The following MACROD2 variants were observed in gnomAD, a reference collection of about 807,000 sequenced individuals.
The protein encoded by MACROD2 is mono-ADP ribosylhydrolase 2.
In MACROD2, 36 loss-of-function variants were observed where a neutral mutation model predicts 70.4. The ratio of observed to expected loss-of-function variants is 0.51; its 90% confidence interval spans 0.39 to 0.68. MACROD2 has a LOEUF of 0.68. Ranked by LOEUF, MACROD2 falls within the 30% of genes least tolerant of loss-of-function variation. The probability of loss-of-function intolerance (pLI) is 0.00; values close to 1 mark genes in which losing one functional copy is unlikely to be tolerated. For missense variants in MACROD2, 496 were observed against 538.4 expected (o/e 0.92, Z 0.78); for synonymous variants, 172 against 178.8 (o/e 0.96, Z 0.30).
intron 9 of MACROD2, among the ~76,000 whole-genome samples, chr20:15,863,696 C>T (rs954958073): frequency 6.6e-6 from 1 of 152,132 alleles, no homozygotes; most frequent in Non-Finnish European, 1.5e-5. Context: ...GTGACTCTGG[C>T]AGGTGGGATG....
intron 8 of MACROD2, among the ~76,000 whole-genome samples, chr20:15,705,604 G>T (rs1176908542): frequency 6.6e-6 from 1 of 152,058 alleles, no homozygotes; most frequent in East Asian, 1.9e-4. Context: ...ATTTTTAGTA[G>T]AGATGGGTTT....
rs1372604276 is a variant in MACROD2 at position 15,062,428 on chromosome 20, T to TAAATGCC, written c.419-167511_419-167510insAATGCCA. 3.9e-5 allele frequency among the ~76,000 whole-genome samples: 6 copies of TAAATGCC among 152,224 alleles called. No individual in the cohort carries two copies. The East Asian group carries it at 9.7e-4, about 25-fold the overall frequency. ...AATTCAAATTTACCTAGACATCCTGTATTTTATCTGGCAACTCTGCTTCCA... is the reference window on the plus strand; with the variant it reads ...AATTCAAATTTACCTAGACATCCTGTAAATGCCATTTTATCTGGCAACTCTGCTTCCA... On this transcript the variant is annotated intron_variant, in intron 5 of 17. Transcript: ENST00000684519.
intron 10 of MACROD2, among the ~76,000 whole-genome samples, chr20:15,926,431 C>T (rs2065490595): frequency 6.6e-6 from 1 of 152,178 alleles, no homozygotes; most frequent in African/African-American, 2.4e-5. Flanking sequence ...AGACCCTTGC[C>T]TCCGTGGAGC....
In MACROD2 at chr20:15,345,138, C is replaced by G. The variant is rs545374391; in HGVS notation, c.541-86267C>G. ...GAGAGCTCTATCCTTATGGCCTTGTCTAATCTTGATTACCGCCGAAAGGGC... is the reference window on the plus strand; with the variant it reads ...GAGAGCTCTATCCTTATGGCCTTGTGTAATCTTGATTACCGCCGAAAGGGC... On this transcript the variant is annotated intron_variant, in intron 6 of 17. Coordinates refer to ENST00000684519, the MANE Select transcript of MACROD2 (RefSeq NM_001351661.2). 1.2e-4 allele frequency among the ~76,000 whole-genome samples: 19 copies of G among 152,290 alleles called. 1 individual carries two copies. The highest frequency in any genetic ancestry group is 4.6e-4 in the African/African-American group (19 of 41,588).
At chr20:15,756,005 TGTAGAATAGATG>T (rs1365998571) in intron 8 of MACROD2, among the ~76,000 whole-genome samples, 1 of 152,278 alleles carries the variant, frequency 6.6e-6, no homozygotes, top group East Asian at 1.9e-4. Context: ...CTTGGTCCAA[TGTAGAATAGATG>T]GTACCTCAGG....
intron 6 of MACROD2, among the ~76,000 whole-genome samples, chr20:15,374,111 C>G (rs1402396887): frequency 6.6e-6 from 1 of 152,070 alleles, no homozygotes; most frequent in South Asian, 2.1e-4. Context: ...TCATGGAAGA[C>G]TCTTGATATG....
At chr20:14,364,514 T>G (rs1295588581) in intron 3 of MACROD2, among the ~76,000 whole-genome samples, 1 of 152,198 alleles carries the variant, frequency 6.6e-6, no homozygotes, top group African/African-American at 2.4e-5. Context: ...GTATTCACAG[T>G]GTTATGCAAC....
At chr20:14,576,026 A>C (rs1375165484) in intron 4 of MACROD2, among the ~76,000 whole-genome samples, 1 of 152,200 alleles carries the variant, frequency 6.6e-6, no homozygotes, top group Non-Finnish European at 1.5e-5. Context: ...TGGAGAGCCT[A>C]GGTTCCTCAT....
intron 16 of MACROD2, among the ~76,000 whole-genome samples, chr20:16,041,702 A>G (rs888781719): frequency 1.3e-5 from 2 of 152,030 alleles, no homozygotes; most frequent in African/African-American, 4.8e-5. Context: ...TTGTACCTTC[A>G]TCACTTCACT....
rs114493926 is a variant in MACROD2, at chr20:15,422,289, G to C, written c.541-9116G>C. On this transcript the variant is annotated intron_variant, in intron 6 of 17. Transcript: ENST00000684519. The stretch of plus-strand genomic sequence containing the variant: ...TCTCACTCTACTCTTGGCAGTGATG[G>C]CCTCAAGGAGGGTGTTCTCAGCGAA... 2.3e-3 allele frequency among the ~76,000 whole-genome samples: 352 copies of C among 152,296 alleles called. 3 individuals carry two copies. The highest frequency in any genetic ancestry group is 8.0e-3 in the African/African-American group (333 of 41,564).
intron 2 of MACROD2, among the ~76,000 whole-genome samples, chr20:14,076,782 G>T (rs190076821): frequency 1.3e-5 from 2 of 152,044 alleles, no homozygotes; most frequent in African/African-American, 4.8e-5. Context: ...TTAATGACTT[G>T]TCAGCGTTAA....
intron 4 of MACROD2, among the ~76,000 whole-genome samples, chr20:14,572,745 TG>T (rs958707372): frequency 6.6e-6 from 1 of 152,012 alleles, no homozygotes; most frequent in Non-Finnish European, 1.5e-5. Flanking sequence ...GGGGGAATAG[TG>T]ATTTTCTGGG....
intron 10 of MACROD2, among the ~76,000 whole-genome samples, chr20:15,892,015 G>T (rs73614473): frequency 1.3e-5 from 2 of 152,114 alleles, no homozygotes; most frequent in South Asian, 2.1e-4. Context: ...TGTAACCTTC[G>T]ATTGAGGGAT....
At chr20:14,997,543 G>A (rs984373848) in intron 5 of MACROD2, among the ~76,000 whole-genome samples, 12 of 152,148 alleles carry the variant, frequency 7.9e-5, no homozygotes, top group Non-Finnish European at 1.3e-4. Flanking sequence ...AGGTTAAGAA[G>A]GACTTTGTCT....
intron 5 of MACROD2, among the ~76,000 whole-genome samples, chr20:14,835,636 G>C (rs143795872): frequency 1.1e-3 from 173 of 152,162 alleles, no homozygotes; most frequent in African/African-American, 3.9e-3. Context: ...GTAGTTGCTT[G>C]AGGTCAATGT....
Position 15,760,041 on chromosome 20 carries a change from G to A in MACROD2, c.646-102704G>A, listed in dbSNP as rs532290714. ...GAGAATAGAACCATTCTCCCTTTGA[G>A]AAATTCATGACTGGAGTGCCACAAA... On this transcript the variant is annotated intron_variant, in intron 8 of 17. Transcript: ENST00000684519. Among the ~76,000 whole-genome samples the A allele has an allele frequency of 2.0e-3, 300 of 152,310 alleles. 1 individual carries two copies. Among genetic ancestry groups the A allele is most frequent in the Middle Eastern group, 6.8e-3 (2 of 294 alleles).
At chr20:14,931,175 G>A (rs2074292396) in intron 5 of MACROD2, among the ~76,000 whole-genome samples, 1 of 152,116 alleles carries the variant, frequency 6.6e-6, no homozygotes, top group Non-Finnish European at 1.5e-5. Flanking sequence ...TGTCATGCCA[G>A]GCCCCTATTG....
At chr20:15,515,874 C>G (rs1331950562) in intron 8 of MACROD2, among the ~76,000 whole-genome samples, 1 of 152,200 alleles carries the variant, frequency 6.6e-6, no homozygotes, top group African/African-American at 2.4e-5. Flanking sequence ...TTTCCTTTAT[C>G]TTGGACAGAT....
intron 3 of MACROD2, among the ~76,000 whole-genome samples, chr20:14,305,891 T>G (rs1251072295): frequency 6.6e-6 from 1 of 152,040 alleles, no homozygotes; most frequent in African/African-American, 2.4e-5. Flanking sequence ...TTCCATTCTC[T>G]TCATCTTAAG....
Sources: gnomAD v4.1 joint callset for allele counts (sites outside exome capture counted in the v4.1 genomes callset) on GRCh38, gnomAD v4.1.1 for gene constraint, MANE v1.5 for transcripts, NCBI Gene and HGNC (gene_info 2026-07-23, HGNC 2026-07-21) for gene names.